Variants in LINGO2 observed in about 807,000 individuals in gnomAD.
LINGO2 encodes leucine-rich repeat and immunoglobulin-like domain-containing nogo receptor-interacting protein 2.
In LINGO2, 14 loss-of-function variants were observed where a neutral mutation model predicts 30.6. The observed-to-expected ratio is 0.46, with a 90% CI of 0.30 to 0.72. LINGO2 has a LOEUF of 0.72. Ranked by LOEUF, LINGO2 falls within the 30% of genes least tolerant of loss-of-function variation. The probability of loss-of-function intolerance (pLI) is 0.07; values close to 1 mark genes in which losing one functional copy is unlikely to be tolerated. For missense variants in LINGO2, 729 were observed against 751.7 expected, an observed-to-expected ratio of 0.97 and a Z score of 0.35; for synonymous variants, 317 against 288.5, an observed-to-expected ratio of 1.10 and a Z score of -1.00.
the LINGO2 span, among the ~76,000 whole-genome samples, chr9:28,868,550 C>A: frequency 6.6e-6 from 1 of 152,002 alleles, no homozygotes; most frequent in Admixed American, 6.6e-5. Flanking sequence ...TCAAATCTGT[C>A]CACATAATAG....
Position 28,593,181 on chromosome 9 carries a change from T to C in LINGO2, c.-365+77019A>G, listed in dbSNP as rs1011025999. Among the ~76,000 whole-genome samples, 8 of 152,150 alleles carry C rather than the reference T, an allele frequency of 5.3e-5. No individual in the cohort carries two copies. The South Asian group carries it at 1.7e-3, about 32-fold the overall frequency. On this transcript the variant is annotated intron_variant, in intron 1 of 5. Transcript: ENST00000379992. ...TATATTGTGCAATGATTAGATGCTC[T>C]TATATTTCCTAGCAAAAAATAAGAA...
intron 1 of LINGO2, among the ~76,000 whole-genome samples, chr9:28,598,431 A>AAC (rs1554643665): frequency 0.028 from 3,457 of 125,536 alleles, 68 homozygotes; most frequent in African/African-American, 0.037. Flanking sequence ...AAAAAAAAAA[A>AAC]AAACAAAACA....
intron 1 of LINGO2, among the ~76,000 whole-genome samples, chr9:28,603,144 T>C (rs1825559225): frequency 6.6e-6 from 1 of 152,098 alleles, no homozygotes; most frequent in South Asian, 2.1e-4. Flanking sequence ...GGATGACATG[T>C]GTTTTGATAA....
chr9:28,559,978 G>A (rs1414011042), intron 1 of LINGO2, among the ~76,000 whole-genome samples: 1 of 151,450 alleles, frequency 6.6e-6, no homozygotes, highest in East Asian at 1.9e-4. Flanking sequence ...GAACAGCAAG[G>A]AGCACTGGGA....
intron 1 of LINGO2, among the ~76,000 whole-genome samples, chr9:28,597,238 A>G (rs1403331487): frequency 6.6e-6 from 1 of 152,134 alleles, no homozygotes; most frequent in African/African-American, 2.4e-5. Flanking sequence ...CTTAATAGAG[A>G]AAAAGGCTGA....
At chr9:27,996,799 G>A (rs1266464458) in intron 5 of LINGO2, among the ~76,000 whole-genome samples, 1 of 152,142 alleles carries the variant, frequency 6.6e-6, no homozygotes, top group Non-Finnish European at 1.5e-5. Flanking sequence ...TTGAGGTAGT[G>A]GATATCCCAA....
the LINGO2 span, among the ~76,000 whole-genome samples, chr9:28,995,772 A>G: frequency 6.6e-6 from 1 of 152,254 alleles, no homozygotes; most frequent in African/African-American, 2.4e-5. Flanking sequence ...TCGCAAGGAC[A>G]AAAAACCAAA....
chr9:28,180,780 C>T (rs1310958897), intron 4 of LINGO2, among the ~76,000 whole-genome samples: 1 of 151,876 alleles, frequency 6.6e-6, no homozygotes, highest in Non-Finnish European at 1.5e-5. Flanking sequence ...TAAGAGAACC[C>T]CAAGAAAGAG....
At position 28,180,468 on chromosome 9, in the gene LINGO2, G is replaced by A. The variant is rs1482533085; in HGVS notation, c.-87+114740C>T. Among the ~76,000 whole-genome samples, 8 of 151,968 alleles carry A rather than the reference G, an allele frequency of 5.3e-5. No homozygotes were observed. In the East Asian group the frequency reaches 1.4e-3, roughly 26 times the overall value. Reference sequence around the variant, plus strand: ...TTTGCATTAACATACTGATCACTACGGTCATTATTTGGCAAAAGGAAGAGT... The same window carrying A: ...TTTGCATTAACATACTGATCACTACAGTCATTATTTGGCAAAAGGAAGAGT... On this transcript the variant is annotated intron_variant, in intron 4 of 5. Coordinates refer to ENST00000379992, the Ensembl canonical transcript of LINGO2.
chr9:28,773,909 C>A, the LINGO2 span, among the ~76,000 whole-genome samples: 1 of 152,064 alleles, frequency 6.6e-6, no homozygotes, highest in Non-Finnish European at 1.5e-5. Context: ...AAAGGAAATT[C>A]AGTTTACCTT....
At chr9:28,038,931 T>G (rs557301323) in intron 4 of LINGO2, among the ~76,000 whole-genome samples, 1 of 152,340 alleles carries the variant, frequency 6.6e-6, no homozygotes, top group South Asian at 2.1e-4. Context: ...AAGTTGTCAC[T>G]AAATCTCTTC....
At chr9:27,984,128 T>A (rs1362605106) in intron 5 of LINGO2, among the ~76,000 whole-genome samples, 1 of 151,866 alleles carries the variant, frequency 6.6e-6, no homozygotes, top group Admixed American at 6.6e-5. Flanking sequence ...TACCAGAGAT[T>A]TGTGGTCCCT....
At chr9:28,557,793 A>G (rs1298826396) in intron 1 of LINGO2, among the ~76,000 whole-genome samples, 1 of 151,824 alleles carries the variant, frequency 6.6e-6, no homozygotes, top group Non-Finnish European at 1.5e-5. Context: ...TGGCACATAT[A>G]CACCATGGAA....
intron 4 of LINGO2, among the ~76,000 whole-genome samples, chr9:28,232,871 G>A (rs1038402848): frequency 6.6e-6 from 1 of 150,940 alleles, no homozygotes; most frequent in Non-Finnish European, 1.5e-5. Context: ...GAAAAAAAAA[G>A]GCATGTCAAC....
At chr9:28,559,298 G>A (rs1420492978) in intron 1 of LINGO2, among the ~76,000 whole-genome samples, 2 of 152,086 alleles carry the variant, frequency 1.3e-5, no homozygotes, top group Non-Finnish European at 2.9e-5. Context: ...ATCTGAAAAT[G>A]TCTCAGATCT....
chr9:28,180,519 C>T (rs1206118679), intron 4 of LINGO2, among the ~76,000 whole-genome samples: 1 of 152,146 alleles, frequency 6.6e-6, no homozygotes, highest in Non-Finnish European at 1.5e-5. Flanking sequence ...GCTTCCTCCC[C>T]CAATTCTGTT....
exon 6 of LINGO2, chr9:27,950,684 T>G (rs1301441622): frequency 1.9e-5 from 28 of 1,498,668 alleles, no homozygotes; most frequent in South Asian, 9.9e-5. Flanking sequence ...CTCCACTTCT[T>G]AGTCTACACC....
chr9:28,752,379 A>G, the LINGO2 span, among the ~76,000 whole-genome samples: 2 of 152,068 alleles, frequency 1.3e-5, no homozygotes, highest in Non-Finnish European at 2.9e-5. Flanking sequence ...TTATTCATTT[A>G]GAAACCAGAA....
the LINGO2 span, among the ~76,000 whole-genome samples, chr9:28,933,448 T>C: frequency 6.6e-6 from 1 of 152,196 alleles, no homozygotes; most frequent in African/African-American, 2.4e-5. Context: ...ACATATTTTT[T>C]GATGTTAACA....
Sources: allele counts gnomAD v4.1 joint callset (sites outside exome capture counted in the v4.1 genomes callset), GRCh38; gene constraint gnomAD v4.1.1; transcripts MANE v1.5; gene names NCBI Gene and HGNC (gene_info 2026-07-23, HGNC 2026-07-21).